SCAI: variants seen among roughly 807,000 people sequenced by gnomAD.
SCAI encodes protein SCAI.
A neutral mutation model predicts 92.2 loss-of-function variants in SCAI; 24 were observed. The observed-to-expected ratio is 0.26, with a 90% CI of 0.19 to 0.37. The LOEUF (loss-of-function observed/expected upper bound fraction) is 0.37. Ranked by LOEUF, SCAI falls within the 10% of genes least tolerant of loss-of-function variation. The pLI, the probability that SCAI is intolerant of heterozygous loss-of-function variation, is 1.00. For synonymous variants in SCAI, 261 were observed against 258.6 expected (o/e 1.01, Z -0.09); for missense variants, 450 against 736.2 (o/e 0.61, Z 4.50).
chr9:124,956,438 C>T (rs1308714202), intron 17 of SCAI, among the ~76,000 whole-genome samples: 1 of 152,096 alleles, frequency 6.6e-6, no homozygotes, highest in Non-Finnish European at 1.5e-5. Flanking sequence ...AGGTTGGTCT[C>T]GAACTCCCAA....
At chr9:124,958,278 A>C (rs1831360777) in intron 17 of SCAI, among the ~76,000 whole-genome samples, 1 of 152,298 alleles carries the variant, frequency 6.6e-6, no homozygotes, top group Admixed American at 6.5e-5. Context: ...ATACCTAAAA[A>C]TCTTTTGGGG....
At chr9:125,129,510 C>T (rs1337903486) in intron 2 of SCAI, among the ~76,000 whole-genome samples, 1 of 117,812 alleles carries the variant, frequency 8.5e-6, no homozygotes, top group Non-Finnish European at 1.6e-5. Context: ...GTCACCCAGG[C>T]TGGAGTGCAG....
At chr9:124,977,821 T>C (rs1831792424) in intron 14 of SCAI, among the ~76,000 whole-genome samples, 1 of 152,156 alleles carries the variant, frequency 6.6e-6, no homozygotes, top group African/African-American at 2.4e-5. Context: ...TATGTACACA[T>C]AATAATGACA....
intron 2 of SCAI, among the ~76,000 whole-genome samples, chr9:125,075,630 G>C (rs1411101136): frequency 6.8e-6 from 1 of 147,922 alleles, no homozygotes; most frequent in South Asian, 2.1e-4. Flanking sequence ...ACAGTGGCAC[G>C]ATCTCCGCTC....
At chr9:125,125,809 C>A in intron 2 of SCAI, among the ~76,000 whole-genome samples, 1 of 108,348 alleles carries the variant, frequency 9.2e-6, no homozygotes, top group Admixed American at 9.4e-5. Context: ...CCAGCCTGGG[C>A]GACAGAGTAA....
At chr9:124,997,510 T>C (rs1832263908) in intron 13 of SCAI, among the ~76,000 whole-genome samples, 1 of 152,154 alleles carries the variant, frequency 6.6e-6, no homozygotes. Flanking sequence ...TATAACCAGA[T>C]TGCTCTCAGC....
At chr9:125,123,638 G>C (rs1256198280) in intron 2 of SCAI, among the ~76,000 whole-genome samples, 2 of 152,168 alleles carry the variant, frequency 1.3e-5, no homozygotes, top group Non-Finnish European at 2.9e-5. Flanking sequence ...AGCCGGGCAT[G>C]GTGGCGGGCA....
intron 6 of SCAI, among the ~76,000 whole-genome samples, chr9:125,024,475 C>T (rs1832929980): frequency 6.6e-6 from 1 of 152,078 alleles, no homozygotes; most frequent in South Asian, 2.1e-4. Flanking sequence ...CGGGGTTTCA[C>T]CATGTTAACC....
chr9:124,953,258 G>A (rs1831259710), intron 17 of SCAI, among the ~76,000 whole-genome samples: 2 of 152,042 alleles, frequency 1.3e-5, no homozygotes, highest in South Asian at 4.1e-4. Context: ...TGCTACTGGG[G>A]GGAAAATCCT....
intron 9 of SCAI, among the ~76,000 whole-genome samples, chr9:125,011,607 C>G (rs1162850194): frequency 1.3e-5 from 2 of 152,198 alleles, no homozygotes; most frequent in Admixed American, 6.5e-5. Context: ...GGAAAACACT[C>G]TGCGGATATT....
chr9:124,994,770 C>T (rs1391560182), intron 14 of SCAI, among the ~76,000 whole-genome samples, 164 bp downstream of exon 14: 1 of 152,104 alleles, frequency 6.6e-6, no homozygotes, highest in Admixed American at 6.6e-5. Context: ...TTCATAGCAC[C>T]CGATCCTGAC....
At position 125,138,699 on chromosome 9, in the gene SCAI, C is replaced by T. The variant is rs529300654; in HGVS notation, c.98+3934G>A. ...AAAGTGCTGGGATTACAGGATTGAG[C>T]CATCGTGCCCGGCCCAATTTTGTAT... On this transcript the variant is annotated intron_variant, in intron 2 of 17. Transcript: ENST00000336505. Among the ~76,000 whole-genome samples, 26 of 152,274 alleles carry T rather than the reference C, an allele frequency of 1.7e-4. 1 individual carries two copies. In the South Asian group the frequency reaches 4.1e-3, roughly 24 times the overall value.
rs1368803422 is a variant in SCAI, at chr9:124,945,619, G to A, written c.*7188C>T. ...ATTAACAAAAATATTTTAAAATTAA[G>A]AATGGTGCTTCAATCAGTTATTAAA... On this transcript the variant is annotated 3_prime_UTR_variant, in exon 18 of 18. Transcript: ENST00000336505. The A allele has an allele frequency of 6.6e-6, 1 of 151,920 alleles. No homozygotes were observed. Among genetic ancestry groups the A allele is most frequent in the African/African-American group, 2.4e-5 (1 of 41,348 alleles). The allele number at this position is 151,920 out of a possible 1,614,324, so 9.4% of individuals were successfully genotyped here. A position where few individuals can be genotyped will look rare whatever the true frequency, so the allele number is the denominator to read the frequency against.
At chr9:125,138,529 C>T (rs1835593324) in intron 2 of SCAI, among the ~76,000 whole-genome samples, 1 of 152,164 alleles carries the variant, frequency 6.6e-6, no homozygotes, top group African/African-American at 2.4e-5. Context: ...ATTCTCCTGC[C>T]TCAGCCTCCT....
At chr9:125,099,988 T>C (rs567479419) in intron 2 of SCAI, among the ~76,000 whole-genome samples, 1 of 152,396 alleles carries the variant, frequency 6.6e-6, no homozygotes, top group South Asian at 2.1e-4. Flanking sequence ...TGAATAATGC[T>C]GCTACTAACC....
intron 9 of SCAI, among the ~76,000 whole-genome samples, chr9:125,016,466 G>C (rs1310427870): frequency 6.6e-6 from 1 of 151,006 alleles, no homozygotes; most frequent in Non-Finnish European, 1.5e-5. Context: ...ATAGGAAGAA[G>C]GAAATAAGAA....
chr9:125,048,241 G>A (rs898882885), intron 3 of SCAI, among the ~76,000 whole-genome samples: 1 of 152,092 alleles, frequency 6.6e-6, no homozygotes, highest in African/African-American at 2.4e-5. Flanking sequence ...GCCTCCCAAA[G>A]TGCTGGGATT....
intron 14 of SCAI, among the ~76,000 whole-genome samples, chr9:124,992,750 C>G (rs1007388895): frequency 1.3e-5 from 2 of 152,036 alleles, no homozygotes; most frequent in Non-Finnish European, 2.9e-5. Context: ...AGTGACAGTG[C>G]CTGTGCCATC....
chr9:125,084,221 A>AGTGCAGTG (rs1834280491), intron 2 of SCAI, among the ~76,000 whole-genome samples: 1 of 113,430 alleles, frequency 8.8e-6, no homozygotes, highest in African/African-American at 3.5e-5. Context: ...CCCAGGCCGG[A>AGTGCAGTG]GTGCAGTGGC....
Sources: allele counts gnomAD v4.1 joint callset (sites outside exome capture counted in the v4.1 genomes callset), GRCh38; gene constraint gnomAD v4.1.1; transcripts MANE v1.5; gene names NCBI Gene and HGNC (gene_info 2026-07-23, HGNC 2026-07-21).